Variants in RMP24 observed in about 807,000 individuals in gnomAD.
The protein encoded by RMP24 is ribonuclease MRP subunit p24.
At chr18:35,977,877 T>C in the RMP24 span, among the ~76,000 whole-genome samples, 2 of 152,090 alleles carry the variant, frequency 1.3e-5, no homozygotes, top group Non-Finnish European at 2.9e-5. Flanking sequence ...CAAAACTTAG[T>C]TCATCATTGC....
At chr18:35,979,274 A>G in the RMP24 span, 1 of 211,882 alleles carries the variant, frequency 4.7e-6, no homozygotes, top group Non-Finnish European at 9.3e-6. Context: ...AGATATATAC[A>G]TTGAGTAGTG....
At chr18:35,974,566 A>G in the RMP24 span, among the ~76,000 whole-genome samples, 1 of 152,238 alleles carries the variant, frequency 6.6e-6, no homozygotes. Flanking sequence ...ATGCATTGGT[A>G]AAATTGGTGA....
the RMP24 span, among the ~76,000 whole-genome samples, chr18:35,974,489 C>G: frequency 3.3e-5 from 5 of 152,178 alleles, no homozygotes; most frequent in African/African-American, 1.2e-4. Flanking sequence ...ACAGTAGATA[C>G]TATTCATTGT....
chr18:35,975,303 C>T, the RMP24 span, among the ~76,000 whole-genome samples: 2 of 152,180 alleles, frequency 1.3e-5, no homozygotes, highest in Non-Finnish European at 2.9e-5. Flanking sequence ...CTAAACCAAA[C>T]ATGGTGAGCT....
the RMP24 span, among the ~76,000 whole-genome samples, chr18:35,974,365 CTTAA>C: frequency 2.0e-5 from 3 of 152,326 alleles, no homozygotes; most frequent in African/African-American, 7.2e-5. Flanking sequence ...GCCTGGCATT[CTTAA>C]TTGTCACTTA....
the RMP24 span, chr18:35,972,751 A>G: frequency 1.2e-6 from 2 of 1,613,246 alleles, no homozygotes; most frequent in Non-Finnish European, 1.7e-6. Context: ...CACTACCTTG[A>G]GGCTGCAGCG....
chr18:35,975,595 A>G, the RMP24 span, among the ~76,000 whole-genome samples: 1 of 152,244 alleles, frequency 6.6e-6, no homozygotes, highest in Non-Finnish European at 1.5e-5. Context: ...TCATATGCCA[A>G]GCAACATTTA....
chr18:35,977,427 A>C, the RMP24 span: 5 of 1,610,472 alleles, frequency 3.1e-6, no homozygotes, highest in Non-Finnish European at 3.4e-6. Context: ...CTTGTAAAAC[A>C]TGCAACAGAA....
the RMP24 span, chr18:35,978,758 A>C: frequency 4.0e-6 from 5 of 1,259,542 alleles, no homozygotes; most frequent in Non-Finnish European, 5.5e-6. Context: ...CAGTGCATGT[A>C]TATGGCCATA....
the RMP24 span, among the ~76,000 whole-genome samples, chr18:35,974,227 T>C: frequency 2.0e-5 from 3 of 152,214 alleles, no homozygotes; most frequent in Non-Finnish European, 4.4e-5. Context: ...ACTCCATCAA[T>C]ACTTCTATTC....
the RMP24 span, chr18:35,972,955 T>C: frequency 6.2e-7 from 1 of 1,610,628 alleles, no homozygotes; most frequent in Non-Finnish European, 8.5e-7. Flanking sequence ...GTCGCCCCGC[T>C]TTCCTCTGTT....
the RMP24 span, chr18:35,977,652 A>C: frequency 3.2e-6 from 5 of 1,554,416 alleles, no homozygotes; most frequent in Non-Finnish European, 4.4e-6. Flanking sequence ...GTTTTCTTCT[A>C]ATTTCCTGTG....
the RMP24 span, among the ~76,000 whole-genome samples, chr18:35,977,873 T>G: frequency 6.6e-6 from 1 of 152,194 alleles, no homozygotes; most frequent in South Asian, 2.1e-4. Flanking sequence ...TGTTCAAAAC[T>G]TAGTTCATCA....
At chr18:35,977,643 T>C in the RMP24 span, 1 of 1,570,104 alleles carries the variant, frequency 6.4e-7, no homozygotes, top group Non-Finnish European at 8.6e-7. Flanking sequence ...GTGTTAAGTG[T>C]TTTCTTCTAA....
At chr18:35,972,746 C>T in the RMP24 span, 20 of 1,612,760 alleles carry the variant, frequency 1.2e-5, no homozygotes, top group South Asian at 1.4e-4. Flanking sequence ...AGAAGCACTA[C>T]CTTGAGGCTG....
chr18:35,977,752 CTTCAATGCTCAT>C, the RMP24 span: 1 of 706,780 alleles, frequency 1.4e-6, no homozygotes, highest in African/African-American at 1.8e-5. Context: ...ACTCCCATAT[CTTCAATGCTCAT>C]TTCAATGCAT....
chr18:35,977,512 C>G, the RMP24 span: 1 of 1,614,144 alleles, frequency 6.2e-7, no homozygotes. Flanking sequence ...TACAAGTAAA[C>G]TCAGCCTGAA....
At chr18:35,977,566 G>C in the RMP24 span, 1 of 1,613,722 alleles carries the variant, frequency 6.2e-7, no homozygotes, top group East Asian at 2.2e-5. Flanking sequence ...TGACATGTCT[G>C]GCTCGAAAGG....
At chr18:35,979,013 C>T in the RMP24 span, 1 of 1,556,344 alleles carries the variant, frequency 6.4e-7, no homozygotes, top group Non-Finnish European at 8.6e-7. Context: ...ATAAGAAATG[C>T]CTGATGTCAA....
Sources: gnomAD v4.1 joint callset for allele counts (sites outside exome capture counted in the v4.1 genomes callset) on GRCh38, gnomAD v4.1.1 for gene constraint, MANE v1.5 for transcripts, NCBI Gene and HGNC (gene_info 2026-07-23, HGNC 2026-07-21) for gene names.